BCKDHB: variants seen among roughly 807,000 people sequenced by gnomAD.
The protein encoded by BCKDHB is branched chain keto acid dehydrogenase E1 subunit beta.
BCKDHB carries 41 observed loss-of-function variants against 48.5 expected under a neutral mutation model. The ratio of observed to expected loss-of-function variants is 0.85; its 90% CI spans 0.66 to 1.10. The LOEUF (loss-of-function observed/expected upper bound fraction) is 1.10. BCKDHB is among the 50% of genes least tolerant of loss of function. The pLI, the probability that BCKDHB is intolerant of heterozygous loss-of-function variation, is 0.00. For missense variants in BCKDHB, 496 were observed against 494.2 expected, an observed-to-expected ratio of 1.00 and a Z score of -0.03; for synonymous variants, 201 against 174.8, an observed-to-expected ratio of 1.15 and a Z score of -1.18.
intron 3 of BCKDHB, among the ~76,000 whole-genome samples, chr6:80,143,121 T>G (rs1771304779): frequency 6.6e-6 from 1 of 152,142 alleles, no homozygotes; most frequent in Admixed American, 6.6e-5. Flanking sequence ...CATCCTGTTT[T>G]GTTCATCTTA....
chr6:80,417,587 T>C, the BCKDHB span, among the ~76,000 whole-genome samples: 1 of 152,190 alleles, frequency 6.6e-6, no homozygotes, highest in South Asian at 2.1e-4. Flanking sequence ...TATTTCTCCT[T>C]CACTTATGAT....
rs114054309 is a variant in BCKDHB, at chr6:80,118,611, G to C, written c.197-8936G>C. On this transcript the variant is annotated intron_variant, in intron 1 of 9. Transcript: ENST00000320393. ...TTCTCTGTAGCATGAGATGCCGTTT[G>C]ATAGCATTTTACCACAGTAGAACTT... Among the ~76,000 whole-genome samples, 454 of 151,956 alleles carry C rather than the reference G, an allele frequency of 3.0e-3. 2 individuals carry two copies. The highest frequency in any genetic ancestry group is 0.011 in the African/African-American group (439 of 41,444).
chr6:80,338,402 A>AC (rs1769709221), intron 9 of BCKDHB, among the ~76,000 whole-genome samples: 1 of 152,126 alleles, frequency 6.6e-6, no homozygotes, highest in Non-Finnish European at 1.5e-5. Flanking sequence ...CGACCCCGGA[A>AC]CCAGCAATTA....
the BCKDHB span, among the ~76,000 whole-genome samples, chr6:80,387,859 G>A: frequency 8.5e-5 from 13 of 152,244 alleles, no homozygotes; most frequent in Admixed American, 8.5e-4. Flanking sequence ...ACATTGTGCT[G>A]ATTGGATCCA....
At chr6:80,327,957 T>A (rs904681779) in intron 9 of BCKDHB, among the ~76,000 whole-genome samples, 6 of 149,618 alleles carry the variant, frequency 4.0e-5, no homozygotes, top group African/African-American at 1.5e-4. Context: ...TTTCATTTTT[T>A]CTCTGTGACC....
chr6:80,261,993 G>A (rs182054777), intron 8 of BCKDHB, among the ~76,000 whole-genome samples: 1 of 152,190 alleles, frequency 6.6e-6, no homozygotes, highest in Non-Finnish European at 1.5e-5. Flanking sequence ...TGTTTGCTGT[G>A]GGAATCTCCT....
At chr6:80,147,893 G>T (rs1178051312) in intron 3 of BCKDHB, among the ~76,000 whole-genome samples, 1 of 152,084 alleles carries the variant, frequency 6.6e-6, no homozygotes, top group Admixed American at 6.6e-5. Flanking sequence ...GAATTGACAG[G>T]ATTGTGATTC....
At chr6:80,188,481 A>G (rs181153695) in intron 6 of BCKDHB, among the ~76,000 whole-genome samples, 1 of 152,232 alleles carries the variant, frequency 6.6e-6, no homozygotes, top group East Asian at 1.9e-4. Context: ...TACAAAAAAA[A>G]TACAAAATTT....
chr6:80,142,779 A>T (rs1771287942), intron 3 of BCKDHB, among the ~76,000 whole-genome samples: 1 of 152,082 alleles, frequency 6.6e-6, no homozygotes, highest in Admixed American at 6.6e-5. Context: ...TCTAAAGAAA[A>T]ACCACATGCA....
chr6:80,169,395 A>G (rs1772777648), intron 5 of BCKDHB, among the ~76,000 whole-genome samples: 1 of 152,196 alleles, frequency 6.6e-6, no homozygotes. Context: ...TGATTTTAAT[A>G]AATCTTTTGT....
intron 8 of BCKDHB, among the ~76,000 whole-genome samples, chr6:80,227,004 G>A (rs1413752497): frequency 6.6e-6 from 1 of 151,520 alleles, no homozygotes; most frequent in African/African-American, 2.4e-5. Flanking sequence ...TTTTTCTCTA[G>A]TCTTAAAAAA....
At chr6:80,417,399 GGTTATTTTGCACACTTGT>G in the BCKDHB span, among the ~76,000 whole-genome samples, 1 of 152,058 alleles carries the variant, frequency 6.6e-6, no homozygotes, top group Non-Finnish European at 1.5e-5. Flanking sequence ...GATGTTAGCT[GGTTATTTTGCACACTTGT>G]TTATGCGGTT....
In BCKDHB at chr6:80,158,910, C is replaced by T. The variant is rs141365445; in HGVS notation, c.344-8768C>T. 1.7e-3 allele frequency among the ~76,000 whole-genome samples: 262 copies of T among 152,266 alleles called. 2 individuals are homozygous for T. Among genetic ancestry groups the T allele is most frequent in the African/African-American group, 5.3e-3 (222 of 41,558 alleles). On this transcript the variant is annotated intron_variant, in intron 3 of 9. Transcript: ENST00000320393. ...GTTCACCCTAGGCAGTAAACTGTGA[C>T]GATTACCTTGATGACAGGATTGCTT...
rs755140913 is a variant in BCKDHB at position 80,106,726 on chromosome 6, A to T, written c.33A>T (p.Leu11=). The change falls in exon 1 of 10, where the codon CTA becomes CTT. Residue 11 remains leucine, a synonymous_variant. Coordinates refer to ENST00000320393, the MANE Select transcript of BCKDHB (RefSeq NM_183050.4). MAVVAAAAGW[L]LRLRAAGAEG... Reference sequence around the variant, plus strand: ...TTGTAGCGGCGGCTGCCGGCTGGCTACTCAGGCTCAGGGCGGCAGGGGCTG... The same window carrying T: ...TTGTAGCGGCGGCTGCCGGCTGGCTTCTCAGGCTCAGGGCGGCAGGGGCTG... 3.0e-5 allele frequency: 47 copies of T among 1,555,868 alleles called. No homozygotes were observed. Among genetic ancestry groups the T allele is most frequent in the South Asian group, 2.1e-4 (18 of 85,084 alleles).
At chr6:80,107,545 A>ATATATATATATGCATATATATATATGCG (rs1562050688) in intron 1 of BCKDHB, among the ~76,000 whole-genome samples, 1 of 121,972 alleles carries the variant, frequency 8.2e-6, no homozygotes, top group African/African-American at 3.7e-5. Flanking sequence ...ATATATATGC[A>ATATATATATATGCATATATATATATGCG]CACATATATA....
intron 4 of BCKDHB, among the ~76,000 whole-genome samples, 157 bp from the exon 5 acceptor site, chr6:80,168,718 G>T (rs1048200410): frequency 7.1e-5 from 10 of 141,538 alleles, no homozygotes; most frequent in African/African-American, 2.4e-4. Flanking sequence ...CAGGCAGGAA[G>T]GAAGGAAGGA....
chr6:80,207,653 G>A (rs528658357), intron 8 of BCKDHB, among the ~76,000 whole-genome samples: 1 of 151,702 alleles, frequency 6.6e-6, no homozygotes, highest in East Asian at 1.9e-4. Flanking sequence ...TAAATATAAG[G>A]ACATCAAAAT....
intron 3 of BCKDHB, among the ~76,000 whole-genome samples, chr6:80,143,317 C>T (rs761543590): frequency 2.0e-5 from 3 of 152,132 alleles, no homozygotes; most frequent in Non-Finnish European, 4.4e-5. Flanking sequence ...TAGGTTATTA[C>T]ACAGCAATAC....
the BCKDHB span, among the ~76,000 whole-genome samples, chr6:80,435,832 G>C: frequency 6.6e-6 from 1 of 152,118 alleles, no homozygotes; most frequent in Non-Finnish European, 1.5e-5. Flanking sequence ...CAGAGTTCGA[G>C]ACCAGCCTGA....
Sources: gnomAD v4.1 joint callset for allele counts (sites outside exome capture counted in the v4.1 genomes callset) on GRCh38, gnomAD v4.1.1 for gene constraint, MANE v1.5 for transcripts, NCBI Gene and HGNC (gene_info 2026-07-23, HGNC 2026-07-21) for gene names.